The following SLC5A8 variants were observed in gnomAD, a reference collection of about 807,000 sequenced individuals.
SLC5A8 encodes the protein sodium-coupled monocarboxylate transporter 1.
Under a neutral mutation model 71.9 loss-of-function variants are expected in SLC5A8, and 55 were observed. That is an observed-to-expected ratio of 0.77 (90% CI 0.62 to 0.96). The LOEUF is 0.96. Ranked by LOEUF, SLC5A8 falls within the 40% of genes least tolerant of loss-of-function variation. SLC5A8 has a pLI of 0.00. For missense variants in SLC5A8, 701 were observed against 745.3 expected (o/e 0.94, Z 0.69); for synonymous variants, 307 against 276.1 (o/e 1.11, Z -1.11).
At chr12:101,182,983 G>T in intron 8 of SLC5A8, 68 bp from the exon 9 acceptor site, 10 of 526,708 alleles carry the variant, frequency 1.9e-5, no homozygotes, top group East Asian at 6.8e-5. Context: ...GTGGGAATGA[G>T]AAAGGGGGAA....
Position 101,209,938 on chromosome 12 carries a change from T to C in SLC5A8, c.-90A>G, listed in dbSNP as rs1869860564. 2.4e-6 allele frequency: 3 copies of C among 1,226,466 alleles called. No homozygotes were observed. The highest frequency in any genetic ancestry group is 3.1e-5 in the African/African-American group (2 of 63,702). The allele number at this position is 1,226,466 out of a possible 1,614,324, so 76.0% of individuals were successfully genotyped here. ...GCGCGCACTTCTTATCCCGGATCCC[T>C]GGCGCGCAGGCGTGGCGTCCCGCGG... On this transcript the variant is annotated 5_prime_UTR_variant, in exon 1 of 15. Transcript: ENST00000536262.
At chr12:101,195,018 C>A (rs917330187) in intron 4 of SLC5A8, 77 bp downstream of exon 4, 65 of 1,388,198 alleles carry the variant, frequency 4.7e-5, no homozygotes, top group African/African-American at 5.7e-5. Flanking sequence ...AACAAGATTG[C>A]GGTATACAAC....
intron 1 of SLC5A8, among the ~76,000 whole-genome samples, chr12:101,206,511 A>T (rs188332805): frequency 1.3e-5 from 2 of 152,332 alleles, no homozygotes; most frequent in African/African-American, 4.8e-5. Flanking sequence ...AAGCCCAAGG[A>T]CCAACTCAAG....
intron 3 of SLC5A8, among the ~76,000 whole-genome samples, 170 bp from the exon 4 acceptor site, chr12:101,195,332 G>A (rs1566321730): frequency 6.6e-6 from 1 of 152,056 alleles, no homozygotes; most frequent in African/African-American, 2.4e-5. Context: ...AAAAACAAAT[G>A]GAGTTTAAAA....
At chr12:101,169,580 A>C (rs754069829) in intron 10 of SLC5A8, among the ~76,000 whole-genome samples, 7 of 152,198 alleles carry the variant, frequency 4.6e-5, no homozygotes, top group Non-Finnish European at 8.8e-5. Context: ...GACTGAAGAA[A>C]GATCCTGGAG....
chr12:101,161,620 C>T (rs2051724090), intron 13 of SLC5A8, among the ~76,000 whole-genome samples: 1 of 152,152 alleles, frequency 6.6e-6, no homozygotes, highest in African/African-American at 2.4e-5. Context: ...TCCCTAACAT[C>T]ATAGCAGTTA....
intron 13 of SLC5A8, among the ~76,000 whole-genome samples, chr12:101,161,729 G>A (rs181299928): frequency 6.6e-6 from 1 of 152,306 alleles, no homozygotes; most frequent in Admixed American, 6.5e-5. Flanking sequence ...GAAAGCTGAG[G>A]CTCAGTGTAG....
intron 12 of SLC5A8, among the ~76,000 whole-genome samples, chr12:101,162,584 T>A (rs2051734359): frequency 6.6e-6 from 1 of 152,174 alleles, no homozygotes. Flanking sequence ...CAAAATCATG[T>A]CCTTTTCAGC....
At position 101,161,081 on chromosome 12, in the gene SLC5A8, A is replaced by G. The variant is rs185800544; in HGVS notation, c.1630+893T>C. On this transcript the variant is annotated intron_variant, in intron 13 of 14. Transcript: ENST00000536262. Reference sequence around the variant, plus strand: ...CAGAGCGCTGTCACAACAGCAACATAGCAAGCTAGAAAAAAATTCAGACAT... The same window carrying G: ...CAGAGCGCTGTCACAACAGCAACATGGCAAGCTAGAAAAAAATTCAGACAT... Among the ~76,000 whole-genome samples, 4 of 152,348 alleles carry G rather than the reference A, an allele frequency of 2.6e-5. No homozygotes were observed. The East Asian group carries it at 7.7e-4, about 29-fold the overall frequency.
intron 1 of SLC5A8, among the ~76,000 whole-genome samples, chr12:101,208,337 T>C (rs2137175389): frequency 6.6e-6 from 1 of 152,242 alleles, no homozygotes; most frequent in Non-Finnish European, 1.5e-5. Flanking sequence ...TAAGGCCCTG[T>C]CCCCAGCACC....
rs978983194 is a variant in SLC5A8, at chr12:101,193,766, G to T, written c.551C>A (p.Ala184Glu). 1.2e-5 allele frequency: 19 copies of T among 1,613,714 alleles called. No homozygotes were observed. The African/African-American group carries it at 2.1e-4, about 18-fold the overall frequency. Reference sequence around the variant, plus strand: ...TTGAAAAACATCTGTCCAGATAACTGCTTTAAGACCACCCTTTGAGGGGAA... The same window carrying T: ...TTGAAAAACATCTGTCCAGATAACTTCTTTAAGACCACCCTTTGAGGGGAA... Reference protein sequence around the residue: ...TFYCTLGGLKAVIWTDVFQVG... With the variant: ...TFYCTLGGLKEVIWTDVFQVG... Residue 184 changes from alanine (A) to glutamate (E), a missense_variant, in exon 5 of 15, where the codon GCA becomes GAA. Transcript: ENST00000536262.
chr12:101,167,314 T>C (rs193232208), intron 11 of SLC5A8, among the ~76,000 whole-genome samples: 123 of 152,326 alleles, frequency 8.1e-4, no homozygotes, highest in African/African-American at 2.8e-3. Context: ...ATAACCACAA[T>C]AGTCCTTATT....
At chr12:101,191,455 T>C (rs1389197728) in intron 5 of SLC5A8, among the ~76,000 whole-genome samples, 2 of 152,226 alleles carry the variant, frequency 1.3e-5, no homozygotes, top group African/African-American at 4.8e-5. Context: ...TGTATGTGTA[T>C]TCTGGCATTC....
intron 3 of SLC5A8, among the ~76,000 whole-genome samples, chr12:101,199,879 C>G (rs373642868): frequency 2.7e-5 from 4 of 150,886 alleles, no homozygotes; most frequent in African/African-American, 9.7e-5. Flanking sequence ...AAACAAAATG[C>G]ACAAAACCTT....
At chr12:101,166,226 T>C (rs1271571577) in intron 12 of SLC5A8, among the ~76,000 whole-genome samples, 2 of 152,202 alleles carry the variant, frequency 1.3e-5, no homozygotes, top group Non-Finnish European at 2.9e-5. Flanking sequence ...AGAGCTGGTG[T>C]TTAGGAGAGT....
Position 101,177,442 on chromosome 12 carries a change from T to TACACACAC in SLC5A8, c.1233+2586_1233+2587insGTGTGTGT, listed in dbSNP as rs1491440045. 3.0e-3 allele frequency among the ~76,000 whole-genome samples: 406 copies of TACACACAC among 133,486 alleles called. 3 individuals are homozygous for TACACACAC. Among genetic ancestry groups the TACACACAC allele is most frequent in the Admixed American group, 4.4e-3 (59 of 13,382 alleles). The allele number at this position is 133,486 out of a possible 152,430, so 87.6% of individuals were successfully genotyped here. ...CCTGCTATCAAAACCAAAGGCAGTA[T>TACACACAC]ATACACACACACACACACACACACA... On this transcript the variant is annotated intron_variant, in intron 10 of 14. Transcript: ENST00000536262.
intron 5 of SLC5A8, among the ~76,000 whole-genome samples, chr12:101,191,016 C>A (rs564200871): frequency 6.6e-6 from 1 of 152,230 alleles, no homozygotes; most frequent in East Asian, 1.9e-4. Flanking sequence ...AAAATGAACA[C>A]GAAATCAACA....
rs2051657163 is a variant in SLC5A8 at position 101,156,007 on chromosome 12, A to G, written c.*1272T>C. On this transcript the variant is annotated 3_prime_UTR_variant, in exon 15 of 15. Coordinates refer to ENST00000536262, the MANE Select transcript of SLC5A8 (RefSeq NM_145913.5). ...AAACAGTATCTAATGTGGGAACTGTACAAAAAATAAGTTATTGATGAACTC... is the reference window on the plus strand; with the variant it reads ...AAACAGTATCTAATGTGGGAACTGTGCAAAAAATAAGTTATTGATGAACTC... 6.6e-6 allele frequency: 1 copy of G among 152,170 alleles called. No homozygotes were observed. Among genetic ancestry groups the G allele is most frequent in the Non-Finnish European group, 1.5e-5 (1 of 68,024 alleles). The allele number at this position is 152,170 out of a possible 1,614,324, so 9.4% of individuals were successfully genotyped here.
intron 10 of SLC5A8, among the ~76,000 whole-genome samples, chr12:101,175,836 C>T (rs1035079604): frequency 2.6e-5 from 4 of 152,008 alleles, no homozygotes; most frequent in Non-Finnish European, 5.9e-5. Flanking sequence ...AAGACATTCT[C>T]AGGTGAAGGA....
Sources: gnomAD v4.1 joint callset for allele counts (sites outside exome capture counted in the v4.1 genomes callset) on GRCh38, gnomAD v4.1.1 for gene constraint, MANE v1.5 for transcripts, NCBI Gene and HGNC (gene_info 2026-07-23, HGNC 2026-07-21) for gene names.